KDM4C: variants seen among roughly 807,000 people sequenced by gnomAD.
KDM4C encodes the protein lysine-specific demethylase 4C.
Under a neutral mutation model 129.3 loss-of-function variants are expected in KDM4C, and 81 were observed. The ratio of observed to expected loss-of-function variants is 0.63; its 90% confidence interval spans 0.52 to 0.75. KDM4C has a LOEUF of 0.75. Ranked by LOEUF, KDM4C falls within the 30% of genes least tolerant of loss-of-function variation. KDM4C has a pLI of 0.00. For missense variants in KDM4C, 1,457 were observed against 1,304.0 expected (o/e 1.12, Z -1.81); for synonymous variants, 573 against 456.1 (o/e 1.26, Z -3.26).
intron 19 of KDM4C, among the ~76,000 whole-genome samples, chr9:7,130,465 A>T (rs1211316407): frequency 6.6e-6 from 1 of 152,218 alleles, no homozygotes; most frequent in Non-Finnish European, 1.5e-5. Context: ...CAGAACAAAT[A>T]TGATTTTAAG....
intron 8 of KDM4C, among the ~76,000 whole-genome samples, chr9:6,979,272 A>T (rs1008310732): frequency 6.6e-6 from 1 of 152,160 alleles, no homozygotes; most frequent in Non-Finnish European, 1.5e-5. Flanking sequence ...AAACCTCATT[A>T]TATGTAACCA....
chr9:6,948,183 A>T (rs1827318583), intron 8 of KDM4C: 1 of 152,216 alleles, frequency 6.6e-6, no homozygotes, highest in South Asian at 2.1e-4. Flanking sequence ...AATCTGAAGC[A>T]TTACTAACTG....
intron 5 of KDM4C, among the ~76,000 whole-genome samples, chr9:6,864,341 A>G (rs1163649958): frequency 1.3e-5 from 2 of 152,194 alleles, no homozygotes; most frequent in Non-Finnish European, 2.9e-5. Context: ...TTCTTGGCCT[A>G]TATGATTTCA....
At chr9:6,911,684 A>G (rs1380980142) in intron 8 of KDM4C, among the ~76,000 whole-genome samples, 1 of 152,250 alleles carries the variant, frequency 6.6e-6, no homozygotes, top group African/African-American at 2.4e-5. Flanking sequence ...TCTCTAAAAT[A>G]AGTTATTATA....
At chr9:7,145,664 T>C (rs1842157772) in intron 19 of KDM4C, among the ~76,000 whole-genome samples, 1 of 152,248 alleles carries the variant, frequency 6.6e-6, no homozygotes, top group Non-Finnish European at 1.5e-5. Context: ...TTCTGTGAAG[T>C]CTAACTGCTG....
intron 6 of KDM4C, among the ~76,000 whole-genome samples, chr9:6,880,820 C>T (rs1844332713): frequency 6.6e-6 from 1 of 152,174 alleles, no homozygotes; most frequent in Non-Finnish European, 1.5e-5. Context: ...AGCCAGGCGG[C>T]CTTGCCCTCA....
intron 5 of KDM4C, among the ~76,000 whole-genome samples, chr9:6,873,337 A>G (rs903307525): frequency 6.6e-6 from 1 of 152,116 alleles, no homozygotes; most frequent in Non-Finnish European, 1.5e-5. Flanking sequence ...TGACTCCTCT[A>G]TCTGTGAAAG....
chr9:6,977,633 G>A (rs1340513), intron 8 of KDM4C, among the ~76,000 whole-genome samples: 112,823 of 152,018 alleles, frequency 0.74, 42,222 homozygotes, highest in Middle Eastern at 0.81. Context: ...ATTAATTCAT[G>A]TTATGGACAT....
intron 19 of KDM4C, among the ~76,000 whole-genome samples, chr9:7,154,131 C>T (rs911106050): frequency 3.9e-5 from 6 of 152,168 alleles, no homozygotes; most frequent in South Asian, 2.1e-4. Flanking sequence ...CAGGCCAGCT[C>T]AGCCCCCATT....
chr9:6,827,707 C>CT (rs1834120678), intron 4 of KDM4C, among the ~76,000 whole-genome samples: 2 of 152,200 alleles, frequency 1.3e-5, no homozygotes, highest in African/African-American at 4.8e-5. Context: ...AGCCAGAACA[C>CT]TAACTGCCTA....
In KDM4C at chr9:6,990,514, A is replaced by AAGT; in HGVS notation, c.1777_1779dup (p.Ser593dup). On this transcript the variant is annotated inframe_insertion, in exon 12 of 22. Transcript: ENST00000381309. ...TGACTCTTGTGAAGCAGCAGGCGCC[A>AAGT]AGTGATGAAGGTGAGATGGTGACCC... The AAGT allele has an allele frequency of 6.2e-7, 1 of 1,607,140 alleles. No homozygotes were observed. Among genetic ancestry groups the AAGT allele is most frequent in the Non-Finnish European group, 8.5e-7 (1 of 1,175,918 alleles).
intron 19 of KDM4C, among the ~76,000 whole-genome samples, chr9:7,135,565 C>CTAG (rs1299094466): frequency 6.6e-6 from 1 of 152,014 alleles, no homozygotes; most frequent in Non-Finnish European, 1.5e-5. Flanking sequence ...AAATCCACTC[C>CTAG]ATGTTTGGGA....
intron 1 of KDM4C, among the ~76,000 whole-genome samples, chr9:6,777,731 A>G (rs756960198): frequency 3.9e-5 from 6 of 151,916 alleles, no homozygotes; most frequent in African/African-American, 9.7e-5. Flanking sequence ...TGCTTCCACC[A>G]TGTTTGGCTA....
Position 6,828,844 on chromosome 9 carries a change from C to G in KDM4C, c.435+14099C>G, listed in dbSNP as rs996749321. Among the ~76,000 whole-genome samples the G allele has an allele frequency of 5.3e-5, 8 of 151,472 alleles. No individual in the cohort carries two copies. The East Asian group carries it at 1.4e-3, about 26-fold the overall frequency. ...CGAGATGGCGCCATTGCACTCCAGC[C>G]TGGGCAACAAGATCGAAACTCCGTC... is the stretch of plus-strand genomic sequence containing the variant. On this transcript the variant is annotated intron_variant, in intron 4 of 21. Coordinates refer to ENST00000381309, the MANE Select transcript of KDM4C (RefSeq NM_015061.6).
chr9:6,774,688 T>G (rs898281812), intron 1 of KDM4C, among the ~76,000 whole-genome samples: 4 of 152,166 alleles, frequency 2.6e-5, no homozygotes, highest in Admixed American at 1.3e-4. Context: ...ATTAAAATAT[T>G]TTCTTGCAGA....
chr9:7,074,227 G>A (rs188277578), intron 17 of KDM4C, among the ~76,000 whole-genome samples: 229 of 151,978 alleles, frequency 1.5e-3, no homozygotes, highest in Non-Finnish European at 2.8e-3. Context: ...GCAGTGGCGC[G>A]ATCTCAGCTC....
chr9:6,925,423 TC>T, intron 8 of KDM4C: 1 of 958,232 alleles, frequency 1.0e-6, no homozygotes, highest in Non-Finnish European at 1.2e-6. Context: ...CCTTTCCCCT[TC>T]CTCCTTTCCC....
rs1564171762 is a variant in KDM4C at position 6,856,574 on chromosome 9, G to GTA, written c.629+6875_629+6876insAT. 9.7e-3 allele frequency among the ~76,000 whole-genome samples: 1,303 copies of GTA among 134,326 alleles called. 24 individuals are homozygous for GTA. Among genetic ancestry groups the GTA allele is most frequent in the African/African-American group, 0.035 (1,188 of 33,838 alleles). The allele number at this position is 134,326 out of a possible 152,430, so 88.1% of individuals were successfully genotyped here. ...TGTGTGTGTGTGTGTGTGTGTGTGTGTGTGTGTATTTTTTTTTGAGACAGA... is the reference window on the plus strand; with the variant it reads ...TGTGTGTGTGTGTGTGTGTGTGTGTGTATGTGTGTATTTTTTTTTGAGACAGA... On this transcript the variant is annotated intron_variant, in intron 5 of 21. Transcript: ENST00000381309.
chr9:7,014,094 A>G lies in KDM4C; in HGVS notation c.2182+93A>G, dbSNP rs141084518. On this transcript the variant is annotated intron_variant, in intron 14 of 21. Transcript: ENST00000381309. ...TTTTGGAACCTGTCAGATCTGTTGC[A>G]TGGACTATTGGCATTCTTAATGGTT... The G allele has an allele frequency of 4.7e-4, 437 of 937,818 alleles. 5 individuals carry two copies. In the African/African-American group the frequency reaches 6.7e-3, roughly 14 times the overall value. 58.1% of individuals were successfully genotyped at this position (937,818 alleles called of 1,614,324 possible). A position where few individuals can be genotyped will look rare whatever the true frequency, so the allele number is the denominator to read the frequency against.
Sources: gnomAD v4.1 joint callset for allele counts (sites outside exome capture counted in the v4.1 genomes callset) on GRCh38, gnomAD v4.1.1 for gene constraint, MANE v1.5 for transcripts, NCBI Gene and HGNC (gene_info 2026-07-23, HGNC 2026-07-21) for gene names.